The following TPD52 variants were observed in gnomAD, a reference collection of about 807,000 sequenced individuals.
The protein encoded by TPD52 is tumor protein D52.
A neutral mutation model predicts 31.3 loss-of-function variants in TPD52; 17 were observed. The observed-to-expected ratio is 0.54, with a 90% CI of 0.37 to 0.82. The LOEUF (loss-of-function observed/expected upper bound fraction) is 0.82, where lower values mean the gene tolerates loss of function less well. Ranked by LOEUF, TPD52 falls within the 40% of genes least tolerant of loss-of-function variation. The pLI is 0.00. For missense variants in TPD52, 212 were observed against 240.1 expected (o/e 0.88, Z 0.77); for synonymous variants, 83 against 89.6 (o/e 0.93, Z 0.42).
At chr8:80,048,088 A>T (rs562540149) in intron 5 of TPD52, among the ~76,000 whole-genome samples, 8 of 152,342 alleles carry the variant, frequency 5.3e-5, no homozygotes, top group African/African-American at 1.9e-4. Context: ...GGGAAATATA[A>T]GCATATCACC....
At chr8:80,046,859 T>G (rs1345248439) in intron 5 of TPD52, among the ~76,000 whole-genome samples, 1 of 152,210 alleles carries the variant, frequency 6.6e-6, no homozygotes, top group Non-Finnish European at 1.5e-5. Context: ...TAAAAAATAT[T>G]CCTTGTTTCT....
chr8:80,105,525 A>G (rs946236997), intron 1 of TPD52, among the ~76,000 whole-genome samples: 1 of 152,058 alleles, frequency 6.6e-6, no homozygotes, highest in African/African-American at 2.4e-5. Flanking sequence ...AGCCCTTAAG[A>G]GGGACAGGAA....
intron 1 of TPD52, among the ~76,000 whole-genome samples, chr8:80,169,029 G>A (rs527827182): frequency 1.3e-5 from 2 of 152,342 alleles, no homozygotes; most frequent in African/African-American, 2.4e-5. Flanking sequence ...CTGTCGCCCA[G>A]GCTGGAGTGC....
intron 1 of TPD52, among the ~76,000 whole-genome samples, chr8:80,107,821 G>A (rs1807239689): frequency 6.6e-6 from 1 of 152,040 alleles, no homozygotes; most frequent in African/African-American, 2.4e-5. Context: ...TAAATTGTCG[G>A]TAAAATAAAA....
intron 6 of TPD52, 36 bp downstream of exon 6, chr8:80,044,131 A>G (rs1474401790): frequency 2.6e-6 from 4 of 1,550,068 alleles, no homozygotes; most frequent in African/African-American, 2.7e-5. Context: ...AAAATAAAGC[A>G]TAAGACCAAC....
intron 1 of TPD52, among the ~76,000 whole-genome samples, chr8:80,140,511 T>C (rs529992659): frequency 6.6e-6 from 1 of 152,226 alleles, no homozygotes; most frequent in Admixed American, 6.5e-5. Flanking sequence ...AAGCCATTAA[T>C]GACCTGAAAG....
At chr8:80,101,108 A>G (rs1806697856) in intron 1 of TPD52, among the ~76,000 whole-genome samples, 1 of 152,220 alleles carries the variant, frequency 6.6e-6, no homozygotes, top group South Asian at 2.1e-4. Flanking sequence ...AAAAGAGAAG[A>G]AAAGATGTAT....
rs1031321062 is a variant in TPD52, at chr8:80,147,446, C to T, written c.19+23979G>A. ...TCTCAACAGAGTTCAGCTGGTCTTA[C>T]TGGTGACTCCGGTGGAGAGAGTACA... is the stretch of plus-strand genomic sequence containing the variant. On this transcript the variant is annotated intron_variant, in intron 1 of 7. Coordinates refer to ENST00000518937, the MANE Select transcript of TPD52 (RefSeq NM_001025253.3). Among the ~76,000 whole-genome samples the T allele has an allele frequency of 2.0e-5, 3 of 152,222 alleles. No homozygotes were observed. The South Asian group carries it at 6.2e-4, about 31-fold the overall frequency.
intron 1 of TPD52, chr8:80,064,891 T>C (rs1812953479): frequency 1.8e-6 from 1 of 545,952 alleles, no homozygotes; most frequent in African/African-American, 1.9e-5. Flanking sequence ...GGGCCCAAAA[T>C]GAGATCTTGC....
rs374500169 is a variant in TPD52, at chr8:80,155,001, G to T, written c.19+16424C>A. ...TGGCTTTTTGTGTTTTTGGTTTTTT[G>T]TTTTTTTTTTTTTTGAGACAAGGTT... On this transcript the variant is annotated intron_variant, in intron 1 of 7. Transcript: ENST00000518937. 9.2e-4 allele frequency among the ~76,000 whole-genome samples: 128 copies of T among 139,478 alleles called. 2 individuals are homozygous for T. The highest frequency in any genetic ancestry group is 8.7e-3 in the South Asian group (38 of 4,344). The allele number at this position is 139,478 out of a possible 152,430, so 91.5% of individuals were successfully genotyped here.
At chr8:80,146,769 T>G (rs1810226303) in intron 1 of TPD52, among the ~76,000 whole-genome samples, 1 of 152,282 alleles carries the variant, frequency 6.6e-6, no homozygotes, top group Non-Finnish European at 1.5e-5. Context: ...CAGTTAAAAA[T>G]AATGAAGTGA....
chr8:80,054,902 C>T (rs569072306), intron 2 of TPD52, among the ~76,000 whole-genome samples: 24 of 151,998 alleles, frequency 1.6e-4, no homozygotes, highest in African/African-American at 4.8e-4. Context: ...TGTACATTGA[C>T]GAAGTGGAAT....
Position 80,035,888 on chromosome 8 carries a change from G to A in TPD52, c.*2228C>T, listed in dbSNP as rs573415797. On this transcript the variant is annotated 3_prime_UTR_variant, in exon 8 of 8. Transcript: ENST00000518937. ...TTCTGGCATTTCTACTAATTACTAT[G>A]TTTCTCATTCTTTAAATATCTGTGA... The A allele has an allele frequency of 6.6e-6, 1 of 152,274 alleles. No individual in the cohort carries two copies. Among genetic ancestry groups the A allele is most frequent in the South Asian group, 2.1e-4 (1 of 4,826 alleles). The allele number at this position is 152,274 out of a possible 1,614,324, so 9.4% of individuals were successfully genotyped here. A position where few individuals can be genotyped will look rare whatever the true frequency, so the allele number is the denominator to read the frequency against.
rs2130529148 is a variant in TPD52 at position 80,051,583 on chromosome 8, G to A, written c.330C>T (p.Ala110=). Residue 110 remains alanine, a synonymous_variant, in exon 4 of 8, where the codon GCC becomes GCT. Coordinates refer to ENST00000518937, the MANE Select transcript of TPD52 (RefSeq NM_001025253.3). ...SETLSQAGQK[A]SAAFSSVGSV... is the part of the protein sequence containing the mutation. ...AGCCAACAGACGAAAAAGCAGCTGA[G>A]GCCTTCTGTCCAGCCTGGGATAAGG... The A allele has an allele frequency of 1.9e-6, 3 of 1,613,526 alleles. No individual in the cohort carries two copies. The African/African-American group carries it at 4.0e-5, about 22-fold the overall frequency.
At chr8:80,143,639 T>G (rs573467178) in intron 1 of TPD52, among the ~76,000 whole-genome samples, 1 of 152,220 alleles carries the variant, frequency 6.6e-6, no homozygotes, top group Non-Finnish European at 1.5e-5. Context: ...TTAAGCTTCA[T>G]AGTTTAACAA....
chr8:80,169,335 C>T (rs547905001), intron 1 of TPD52, among the ~76,000 whole-genome samples: 1 of 152,328 alleles, frequency 6.6e-6, no homozygotes, highest in African/African-American at 2.4e-5. Flanking sequence ...CTGACCCTCC[C>T]AAGGCAGTGC....
chr8:80,152,150 GAGA>G (rs1447041595), intron 1 of TPD52, among the ~76,000 whole-genome samples: 3 of 145,550 alleles, frequency 2.1e-5, no homozygotes, highest in East Asian at 4.2e-4. Flanking sequence ...TCGAGAAAGG[GAGA>G]AGATCAGACC....
chr8:80,036,384 T>C lies in TPD52; in HGVS notation c.*1732A>G, dbSNP rs139271337. On this transcript the variant is annotated 3_prime_UTR_variant, in exon 8 of 8. Transcript: ENST00000518937. ...ACAATATTTCTATAGAAAGACAGACTTCTACAGATCCACTCCTCTGAGAAA... is the reference window on the plus strand; with the variant it reads ...ACAATATTTCTATAGAAAGACAGACCTCTACAGATCCACTCCTCTGAGAAA... 8 of 152,632 alleles carry C rather than the reference T, an allele frequency of 5.2e-5. No homozygotes were observed. Among genetic ancestry groups the C allele is most frequent in the Non-Finnish European group, 1.0e-4 (7 of 68,034 alleles). The allele number at this position is 152,632 out of a possible 1,614,324, so 9.5% of individuals were successfully genotyped here. A position where few individuals can be genotyped will look rare whatever the true frequency, so the allele number is the denominator to read the frequency against.
chr8:80,092,449 A>G (rs188942143), intron 1 of TPD52, among the ~76,000 whole-genome samples: 1 of 152,334 alleles, frequency 6.6e-6, no homozygotes, highest in Non-Finnish European at 1.5e-5. Context: ...ATGTAAAGAA[A>G]TCAGATGTCA....
Sources: allele counts gnomAD v4.1 joint callset (sites outside exome capture counted in the v4.1 genomes callset), GRCh38; gene constraint gnomAD v4.1.1; transcripts MANE v1.5; gene names NCBI Gene and HGNC (gene_info 2026-07-23, HGNC 2026-07-21).